Variants in MYOM2 observed in about 807,000 individuals in gnomAD.
MYOM2 encodes the protein myomesin-2.
A neutral mutation model predicts 187.6 loss-of-function variants in MYOM2; 254 were observed. The ratio of observed to expected loss-of-function variants is 1.35; its 90% CI spans 1.22 to 1.50. The LOEUF is 1.50. Among genes scored for constraint, MYOM2 ranks in the 40% most tolerant of loss-of-function variants. The pLI, the probability that MYOM2 is intolerant of heterozygous loss-of-function variation, is 0.00. For synonymous variants in MYOM2, 981 were observed against 753.8 expected (o/e 1.30, Z -4.94); for missense variants, 2,796 against 1,924.0 (o/e 1.45, Z -8.48).
rs373908442 is a variant in MYOM2, at chr8:2,106,235, T to C, written c.2735-7T>C. ...TAAGCCGCTCACTTCATACTCTTCT[T>C]ATGCAGGCACCAAGGAAATCAGTGC... On this transcript the variant is annotated splice_region_variant and splice_polypyrimidine_tract_variant and intron_variant, in intron 21 of 36. Coordinates refer to ENST00000262113, the MANE Select transcript of MYOM2 (RefSeq NM_003970.4). 1 of 1,613,888 alleles carries C rather than the reference T, an allele frequency of 6.2e-7. No homozygotes were observed. Among genetic ancestry groups the C allele is most frequent in the Non-Finnish European group, 8.5e-7 (1 of 1,179,892 alleles).
chr8:2,122,948 T>A (rs1797506690), intron 28 of MYOM2, among the ~76,000 whole-genome samples: 1 of 143,520 alleles, frequency 7.0e-6, no homozygotes, highest in Non-Finnish European at 1.5e-5. Flanking sequence ...TCTTTGTTAA[T>A]GACATTTCAT....
intron 3 of MYOM2, among the ~76,000 whole-genome samples, chr8:2,056,669 C>T (rs1271820973): frequency 2.0e-5 from 3 of 152,194 alleles, no homozygotes; most frequent in Admixed American, 6.5e-5. Flanking sequence ...GCATCCTTCT[C>T]AGGAAAATAA....
chr8:2,072,309 C>T (rs1347879246), intron 8 of MYOM2, 36 bp from the exon 9 acceptor site: 9 of 1,597,154 alleles, frequency 5.6e-6, no homozygotes, highest in African/African-American at 4.3e-5. Context: ...TGCTCTCTGC[C>T]CTTCGGCCCT....
intron 14 of MYOM2, among the ~76,000 whole-genome samples, chr8:2,086,416 C>A (rs1188077842): frequency 2.2e-4 from 29 of 131,984 alleles, no homozygotes; most frequent in Admixed American, 2.9e-4. Flanking sequence ...GCGTGGCCTC[C>A]CACTGTTGTG....
chr8:2,086,376 TCTGCGTGGCCTCCCACTG>T (rs1796051781), intron 14 of MYOM2, among the ~76,000 whole-genome samples: 1 of 126,428 alleles, frequency 7.9e-6, no homozygotes, highest in African/African-American at 3.5e-5. Flanking sequence ...TGTTGTGATC[TCTGCGTGGCCTCCCACTG>T]TTGTGATCTC....
chr8:2,092,686 G>C (rs2116738979), intron 16 of MYOM2, among the ~76,000 whole-genome samples, 166 bp downstream of exon 16: 1 of 152,234 alleles, frequency 6.6e-6, no homozygotes, highest in South Asian at 2.1e-4. Flanking sequence ...TTGACCACTT[G>C]GATGAGCTAG....
At chr8:2,100,185 C>CTTCCTTCT in intron 19 of MYOM2, among the ~76,000 whole-genome samples, 1 of 149,036 alleles carries the variant, frequency 6.7e-6, no homozygotes, top group Admixed American at 6.8e-5. Flanking sequence ...TCCTTCCTTC[C>CTTCCTTCT]TTCCCTCCCT....
chr8:2,076,205 C>T lies in MYOM2; in HGVS notation c.1185C>T (p.Asn395=), dbSNP rs767888294. ...APMDLQCHDA[N]RDYVIVTWKP... is the part of the protein sequence containing the mutation. ...TGGACTTGCAGTGCCACGACGCCAA[C>T]CGGGACTACGTCATCGTGACCTGGA... Residue 395 remains asparagine, a synonymous_variant, in exon 11 of 37, where the codon AAC becomes AAT. Transcript: ENST00000262113. The T allele has an allele frequency of 6.2e-7, 1 of 1,613,496 alleles. No homozygotes were observed.
chr8:2,141,963 A>G (rs1035947428), intron 34 of MYOM2, among the ~76,000 whole-genome samples: 2 of 152,232 alleles, frequency 1.3e-5, no homozygotes, highest in East Asian at 3.9e-4. Flanking sequence ...TCCTTGGCCC[A>G]TGCTAGCTTA....
At chr8:2,133,078 A>G (rs34815172) in intron 32 of MYOM2, among the ~76,000 whole-genome samples, 18,461 of 150,614 alleles carry the variant, frequency 0.12, 2,193 homozygotes, top group African/African-American at 0.27. Context: ...AGCTCCAGGT[A>G]TGTGCAGTCC....
At chr8:2,139,542 C>A (rs918417508) in intron 32 of MYOM2, among the ~76,000 whole-genome samples, 3 of 152,118 alleles carry the variant, frequency 2.0e-5, no homozygotes, top group Admixed American at 2.0e-4. Context: ...TTCCCTTTCC[C>A]GATGGAACAT....
At chr8:2,120,708 T>TATATATAATA (rs1797422206) in intron 28 of MYOM2, among the ~76,000 whole-genome samples, 13 of 36,320 alleles carry the variant, frequency 3.6e-4, no homozygotes, top group South Asian at 2.2e-3. Flanking sequence ...TATATATATT[T>TATATATAATA]TAATTGCCAA....
chr8:2,057,048 G>A (rs570683855), intron 3 of MYOM2, among the ~76,000 whole-genome samples: 3 of 152,102 alleles, frequency 2.0e-5, no homozygotes, highest in Non-Finnish European at 4.4e-5. Flanking sequence ...GCCTCCAAGC[G>A]GTTTGCAGTT....
At chr8:2,061,662 C>T (rs943296939) in intron 6 of MYOM2, among the ~76,000 whole-genome samples, 11 of 152,196 alleles carry the variant, frequency 7.2e-5, no homozygotes, top group Admixed American at 4.6e-4. Flanking sequence ...GGGCCTGGGG[C>T]CTTTGTCCTG....
At chr8:2,105,456 C>A (rs1398112533) in intron 21 of MYOM2, among the ~76,000 whole-genome samples, 1 of 152,156 alleles carries the variant, frequency 6.6e-6, no homozygotes, top group Non-Finnish European at 1.5e-5. Context: ...AAACCACAAA[C>A]AACCCCTACT....
intron 8 of MYOM2, among the ~76,000 whole-genome samples, chr8:2,070,918 C>G (rs966443482): frequency 6.6e-5 from 10 of 152,118 alleles, no homozygotes; most frequent in African/African-American, 2.4e-4. Flanking sequence ...TCCTGCCCGT[C>G]TCCCACACCG....
At chr8:2,084,287 G>C (rs1819732742) in intron 13 of MYOM2, among the ~76,000 whole-genome samples, 1 of 152,180 alleles carries the variant, frequency 6.6e-6, no homozygotes, top group Admixed American at 6.5e-5. Context: ...GCCCAGCTCA[G>C]CCTGCGTTGC....
chr8:2,090,038 G>A lies in MYOM2; in HGVS notation c.1675G>A (p.Val559Ile). ...GGTGGGGAGCGGCAGCTGGCAGAGA[G>A]TCAACGCCCAGACGGCTGTGAGATC... is the stretch of plus-strand genomic sequence containing the variant. ...SVVGSGSWQR[V>I]NAQTAVRSPR... The change falls in exon 15 of 37, where the codon GTC (valine) becomes ATC (isoleucine). Residue 559 changes from valine (V) to isoleucine (I), a missense_variant. Val to Ile is a conservative substitution (Grantham distance 29). Coordinates refer to ENST00000262113, the MANE Select transcript of MYOM2 (RefSeq NM_003970.4). 1 of 1,614,024 alleles carries A rather than the reference G, an allele frequency of 6.2e-7. No homozygotes were observed. The highest frequency in any genetic ancestry group is 8.5e-7 in the Non-Finnish European group (1 of 1,179,982).
chr8:2,139,204 G>C (rs62480017), intron 32 of MYOM2, among the ~76,000 whole-genome samples: 1,811 of 152,164 alleles, frequency 0.012, 39 homozygotes, highest in African/African-American at 0.041. Flanking sequence ...GCGGTGGTGT[G>C]ATCACAGCTC....
Sources: allele counts gnomAD v4.1 joint callset (sites outside exome capture counted in the v4.1 genomes callset), GRCh38; gene constraint gnomAD v4.1.1; transcripts MANE v1.5; gene names NCBI Gene and HGNC (gene_info 2026-07-23, HGNC 2026-07-21).